Variants in CTSB observed in about 807,000 individuals in gnomAD.
CTSB encodes cathepsin B.
Under a neutral mutation model 44.3 loss-of-function variants are expected in CTSB, and 57 were observed. The ratio of observed to expected loss-of-function variants is 1.29; its 90% CI spans 1.04 to 1.60. The LOEUF (loss-of-function observed/expected upper bound fraction) is 1.60. Among genes scored for constraint, CTSB ranks in the 40% most tolerant of loss-of-function variants. The pLI is 0.00. For synonymous variants in CTSB, 320 were observed against 168.0 expected (o/e 1.91, Z -7.00); for missense variants, 768 against 443.0 (o/e 1.73, Z -6.59).
chr8:11,847,316 T>C, intron 7 of CTSB, 148 bp from the exon 8 acceptor site: 2 of 654,546 alleles, frequency 3.1e-6, no homozygotes, highest in East Asian at 5.1e-5. Context: ...CAAGGAAGGC[T>C]CCCCTGAAGA....
At chr8:11,853,235 G>A in intron 2 of CTSB, 94 bp downstream of exon 2, 1 of 1,521,264 alleles carries the variant, frequency 6.6e-7, no homozygotes, top group African/African-American at 1.4e-5. Context: ...AATGTTCTGT[G>A]GGCCACAGTG....
chr8:11,848,401 C>T (rs904502688), intron 5 of CTSB: 26 of 634,068 alleles, frequency 4.1e-5, no homozygotes, highest in African/African-American at 2.7e-4. Context: ...CTCTCCTGTT[C>T]ATGTCCATAC....
Position 11,853,325 on chromosome 8 carries a change from C to T in CTSB, c.126+4G>A, listed in dbSNP as rs11784413. 3 of 1,613,360 alleles carry T rather than the reference C, an allele frequency of 1.9e-6. No individual in the cohort carries two copies. The highest frequency in any genetic ancestry group is 2.5e-6 in the Non-Finnish European group (3 of 1,179,798). The stretch of plus-strand genomic sequence containing the variant: ...CATACATAGGACGCAGCCCCACAGC[C>T]TACCTGCCACGTGGTATTCCGTTTG... On this transcript the variant is annotated splice_donor_region_variant and intron_variant, in intron 2 of 9. Coordinates refer to ENST00000353047, the MANE Select transcript of CTSB (RefSeq NM_001908.5).
intron 1 of CTSB, among the ~76,000 whole-genome samples, chr8:11,866,235 G>C (rs1287081534): frequency 6.6e-6 from 1 of 152,130 alleles, no homozygotes. Context: ...TACAAAAAGA[G>C]CCTCCCCAGT....
At chr8:11,866,071 A>C (rs1016529853) in intron 1 of CTSB, among the ~76,000 whole-genome samples, 3 of 151,924 alleles carry the variant, frequency 2.0e-5, no homozygotes, top group Admixed American at 6.6e-5. Context: ...AAAATCACTG[A>C]CAGACATCCC....
chr8:11,845,728 C>T lies in CTSB; in HGVS notation c.855G>A (p.Trp285Ter), dbSNP rs1419864836. ...AGTAGGGTGTGCCATTCTCCACTCC[C>T]CAGCCCAGGATGCGGATGGCATGGC... ...MGGHAIRILG[W>*]GVENGTPYWL... The change falls in exon 9 of 10, where the codon TGG (tryptophan) becomes TGA (stop). Residue 285 changes from tryptophan (W) to a stop codon, truncating the protein, a stop_gained. Transcript: ENST00000353047. LOFTEE classifies it high-confidence loss of function. 1 of 1,614,156 alleles carries T rather than the reference C, an allele frequency of 6.2e-7. No individual in the cohort carries two copies.
chr8:11,844,126 A>ATGAC lies in CTSB; in HGVS notation c.*995_*998dup, dbSNP rs1812780850. ...GCACTTACAGAGAAGGTTGACGAGG[A>ATGAC]TGACAGGGAACTAATTGGGGGAGGG... On this transcript the variant is annotated 3_prime_UTR_variant, in exon 10 of 10. Coordinates refer to ENST00000353047, the MANE Select transcript of CTSB (RefSeq NM_001908.5). 1 of 152,264 alleles carries ATGAC rather than the reference A, an allele frequency of 6.6e-6. No individual in the cohort carries two copies. The highest frequency in any genetic ancestry group is 1.5e-5 in the Non-Finnish European group (1 of 68,056). 9.4% of individuals were successfully genotyped at this position (152,264 alleles called of 1,614,324 possible).
chr8:11,854,034 G>T (rs1246343055), intron 1 of CTSB, among the ~76,000 whole-genome samples: 1 of 152,122 alleles, frequency 6.6e-6, no homozygotes, highest in Non-Finnish European at 1.5e-5. Flanking sequence ...AGTCAGCCAA[G>T]GGCTCTGCTT....
chr8:11,859,276 G>T (rs772998115), intron 1 of CTSB, among the ~76,000 whole-genome samples: 2 of 151,984 alleles, frequency 1.3e-5, no homozygotes, highest in East Asian at 3.9e-4. Flanking sequence ...CTATCAACCA[G>T]AGCACCTTCC....
Position 11,843,130 on chromosome 8 carries a change from G to A in CTSB, c.*1995C>T, listed in dbSNP as rs897579521. 6.6e-6 allele frequency: 1 copy of A among 152,060 alleles called. No homozygotes were observed. The highest frequency in any genetic ancestry group is 1.5e-5 in the Non-Finnish European group (1 of 68,076). The allele number at this position is 152,060 out of a possible 1,614,324, so 9.4% of individuals were successfully genotyped here. On this transcript the variant is annotated 3_prime_UTR_variant, in exon 10 of 10. Transcript: ENST00000353047. ...TGCCCAGCTAATTTTTGTATTTTTA[G>A]TAGAGGTGAGGTTTCAGCATGTTGG...
chr8:11,845,932 G>T (rs1029991992), intron 8 of CTSB, 143 bp from the exon 9 acceptor site: 8 of 932,644 alleles, frequency 8.6e-6, no homozygotes, highest in Admixed American at 3.5e-5. Flanking sequence ...GGCTCCAGGG[G>T]GGGTCCCACA....
chr8:11,857,475 T>C (rs1171727048), intron 1 of CTSB, among the ~76,000 whole-genome samples: 8 of 152,108 alleles, frequency 5.3e-5, no homozygotes, highest in Admixed American at 5.2e-4. Context: ...CCCGGGGGCT[T>C]TGTGCTGTAG....
chr8:11,865,070 C>T (rs144465591), intron 1 of CTSB, among the ~76,000 whole-genome samples: 2 of 152,272 alleles, frequency 1.3e-5, no homozygotes, highest in East Asian at 3.9e-4. Flanking sequence ...TGGGACCAGA[C>T]GTAGAGACTG....
chr8:11,846,164 G>A (rs185026108), intron 8 of CTSB: 38 of 156,890 alleles, frequency 2.4e-4, no homozygotes, highest in Middle Eastern at 6.5e-3. Flanking sequence ...ACGGCTTAAA[G>A]AGTTTTAATA....
chr8:11,852,791 G>A (rs1340362298), intron 2 of CTSB, 96 bp from the exon 3 acceptor site: 1 of 1,197,406 alleles, frequency 8.4e-7, no homozygotes, highest in Admixed American at 2.0e-5. Context: ...GAAAACCAGA[G>A]ACCCTACCCA....
At chr8:11,856,450 C>T (rs1032257565) in intron 1 of CTSB, among the ~76,000 whole-genome samples, 1 of 151,574 alleles carries the variant, frequency 6.6e-6, no homozygotes, top group Non-Finnish European at 1.5e-5. Context: ...CCTGTATCTA[C>T]TAAATACAAA....
At chr8:11,847,866 C>T (rs375101686) in intron 6 of CTSB, 44 bp from the exon 7 acceptor site, 41 of 1,542,056 alleles carry the variant, frequency 2.7e-5, no homozygotes, top group African/African-American at 1.1e-4. Flanking sequence ...ACAGCCCCCA[C>T]GGAGAAGACC....
chr8:11,846,903 G>T (rs1281573888), intron 8 of CTSB, 149 bp downstream of exon 8: 1 of 634,100 alleles, frequency 1.6e-6, no homozygotes, highest in Non-Finnish European at 2.8e-6. Flanking sequence ...ACAGAGGAGT[G>T]AGCCTATATG....
At chr8:11,845,262 G>A (rs755024290) in intron 9 of CTSB, 40 bp from the exon 10 acceptor site, 20 of 1,469,362 alleles carry the variant, frequency 1.4e-5, no homozygotes, top group Non-Finnish European at 1.9e-5. Flanking sequence ...GTGTGACAAG[G>A]GTCAACCAAT....
Sources: gnomAD v4.1 joint callset for allele counts (sites outside exome capture counted in the v4.1 genomes callset) on GRCh38, gnomAD v4.1.1 for gene constraint, MANE v1.5 for transcripts, NCBI Gene and HGNC (gene_info 2026-07-23, HGNC 2026-07-21) for gene names.